The following FBXL7 variants were observed in gnomAD, a reference collection of about 807,000 sequenced individuals.
The protein encoded by FBXL7 is F-box and leucine rich repeat protein 7.
In FBXL7, 12 loss-of-function variants were observed where a neutral mutation model predicts 38.3. The ratio of observed to expected loss-of-function variants is 0.31; its 90% CI spans 0.20 to 0.51. The LOEUF is 0.51. Among genes scored for constraint, FBXL7 ranks in the 20% least tolerant of loss-of-function variants. The pLI is 0.98. For missense variants in FBXL7, 567 were observed against 676.4 expected, an observed-to-expected ratio of 0.84 and a Z score of 1.79; for synonymous variants, 297 against 300.9, an observed-to-expected ratio of 0.99 and a Z score of 0.13.
chr5:15,812,926 CTGTT>C (rs1407134725), intron 2 of FBXL7, among the ~76,000 whole-genome samples: 3 of 152,218 alleles, frequency 2.0e-5, no homozygotes, highest in South Asian at 2.1e-4. Flanking sequence ...ATTTGCCTCT[CTGTT>C]TGTCTGTTAT....
At chr5:15,730,657 T>C (rs1268986558) in intron 2 of FBXL7, among the ~76,000 whole-genome samples, 1 of 152,228 alleles carries the variant, frequency 6.6e-6, no homozygotes, top group Non-Finnish European at 1.5e-5. Flanking sequence ...AATCATATCA[T>C]TGTATGAAAC....
At chr5:15,850,815 G>C (rs2126793924) in intron 2 of FBXL7, among the ~76,000 whole-genome samples, 1 of 152,318 alleles carries the variant, frequency 6.6e-6, no homozygotes, top group East Asian at 1.9e-4. Flanking sequence ...CTTTCCACAG[G>C]CTGATCTATG....
intron 2 of FBXL7, among the ~76,000 whole-genome samples, chr5:15,756,644 A>G (rs1736305848): frequency 6.6e-6 from 1 of 152,176 alleles, no homozygotes; most frequent in African/African-American, 2.4e-5. Flanking sequence ...ACCAGGGATA[A>G]TAAAGGCTTT....
At chr5:15,823,668 C>A (rs1450373527) in intron 2 of FBXL7, among the ~76,000 whole-genome samples, 1 of 152,132 alleles carries the variant, frequency 6.6e-6, no homozygotes, top group African/African-American at 2.4e-5. Flanking sequence ...TTAACCCAGA[C>A]CTGCCCTCCT....
At chr5:15,619,611 T>C (rs1314998108) in intron 2 of FBXL7, among the ~76,000 whole-genome samples, 1 of 152,250 alleles carries the variant, frequency 6.6e-6, no homozygotes, top group African/African-American at 2.4e-5. Context: ...TCATGATTTT[T>C]TCACCTCTGA....
intron 2 of FBXL7, among the ~76,000 whole-genome samples, chr5:15,665,871 A>G (rs910641168): frequency 4.6e-5 from 7 of 152,174 alleles, no homozygotes; most frequent in African/African-American, 1.7e-4. Context: ...TCCCCTGAGC[A>G]AAGTTTTATA....
chr5:15,509,451 T>C (rs1736733757), intron 1 of FBXL7, among the ~76,000 whole-genome samples: 2 of 152,200 alleles, frequency 1.3e-5, no homozygotes, highest in Admixed American at 1.3e-4. Context: ...AGAAAGACTC[T>C]ACTTCCCCAG....
In FBXL7 at chr5:15,714,741, C is replaced by T. The variant is rs1485362609; in HGVS notation, c.127+98669C>T. On this transcript the variant is annotated intron_variant, in intron 2 of 3. Coordinates refer to ENST00000504595, the MANE Select transcript of FBXL7 (RefSeq NM_012304.5). ...GCGGGCGCCTGTAGTCCCAGCTACT[C>T]GGGAGGCTGAGGCAGGAGAATGGCA... is the stretch of plus-strand genomic sequence containing the variant. Among the ~76,000 whole-genome samples, 8 of 147,722 alleles carry T rather than the reference C, an allele frequency of 5.4e-5. No homozygotes were observed. The South Asian group carries it at 6.6e-4, about 12-fold the overall frequency.
At chr5:15,885,252 C>T (rs907802035) in intron 2 of FBXL7, among the ~76,000 whole-genome samples, 18 of 152,284 alleles carry the variant, frequency 1.2e-4, no homozygotes, top group African/African-American at 3.6e-4. Flanking sequence ...ACCATGTATG[C>T]CTCTCCACAG....
chr5:15,596,732 A>T (rs1480755218), intron 1 of FBXL7, among the ~76,000 whole-genome samples: 1 of 152,152 alleles, frequency 6.6e-6, no homozygotes, highest in Non-Finnish European at 1.5e-5. Flanking sequence ...CTAATGATGA[A>T]ATCAATCATG....
chr5:15,675,905 G>T (rs544077596), intron 2 of FBXL7, among the ~76,000 whole-genome samples: 1 of 152,268 alleles, frequency 6.6e-6, no homozygotes, highest in African/African-American at 2.4e-5. Flanking sequence ...CCGCTACAAT[G>T]AAGTCTGGAA....
chr5:15,727,201 ATG>A (rs1472000942), intron 2 of FBXL7, among the ~76,000 whole-genome samples: 2 of 152,144 alleles, frequency 1.3e-5, no homozygotes, highest in Non-Finnish European at 2.9e-5. Context: ...AATATTTTAA[ATG>A]TGTGTCTTAA....
At chr5:15,849,590 A>G (rs1579517838) in intron 2 of FBXL7, among the ~76,000 whole-genome samples, 1 of 152,092 alleles carries the variant, frequency 6.6e-6, no homozygotes, top group African/African-American at 2.4e-5. Flanking sequence ...CGTGTCTTTC[A>G]CCTTCTGCCA....
rs543358901 is a variant in FBXL7, at chr5:15,933,604, T to C, written c.740-2846T>C. ...AAAACCACAAAGCCCACTGGAACAGTGTGACCTGCCTCTGACAAGCTGTTT... is the reference window on the plus strand; with the variant it reads ...AAAACCACAAAGCCCACTGGAACAGCGTGACCTGCCTCTGACAAGCTGTTT... On this transcript the variant is annotated intron_variant, in intron 3 of 3. Coordinates refer to ENST00000504595, the MANE Select transcript of FBXL7 (RefSeq NM_012304.5). 2.6e-5 allele frequency among the ~76,000 whole-genome samples: 4 copies of C among 152,328 alleles called. No individual in the cohort carries two copies. The South Asian group carries it at 6.2e-4, about 24-fold the overall frequency.
chr5:15,672,101 T>A (rs1305238101), intron 2 of FBXL7, among the ~76,000 whole-genome samples: 1 of 152,174 alleles, frequency 6.6e-6, no homozygotes, highest in Non-Finnish European at 1.5e-5. Flanking sequence ...CTCTGGGTTG[T>A]GTCAATGAAA....
intron 2 of FBXL7, among the ~76,000 whole-genome samples, chr5:15,849,891 A>T (rs988135085): frequency 2.0e-5 from 3 of 152,178 alleles, no homozygotes; most frequent in African/African-American, 7.2e-5. Context: ...AACTCCTTCA[A>T]TTCTCCCATG....
chr5:15,584,166 C>T (rs1739235286), intron 1 of FBXL7, among the ~76,000 whole-genome samples: 1 of 152,160 alleles, frequency 6.6e-6, no homozygotes, highest in Non-Finnish European at 1.5e-5. Flanking sequence ...GCCTGGTCCA[C>T]AAAATAATGT....
intron 2 of FBXL7, among the ~76,000 whole-genome samples, chr5:15,756,640 G>C (rs1466000447): frequency 2.0e-5 from 3 of 152,132 alleles, no homozygotes; most frequent in African/African-American, 7.2e-5. Flanking sequence ...CTTAACCAGG[G>C]ATAATAAAGG....
intron 2 of FBXL7, among the ~76,000 whole-genome samples, chr5:15,818,184 A>G (rs1308552707): frequency 1.3e-5 from 2 of 152,114 alleles, no homozygotes; most frequent in Non-Finnish European, 2.9e-5. Flanking sequence ...AAATCTGAGA[A>G]AACACTTTTC....
Sources: gnomAD v4.1 joint callset for allele counts (sites outside exome capture counted in the v4.1 genomes callset) on GRCh38, gnomAD v4.1.1 for gene constraint, MANE v1.5 for transcripts, NCBI Gene and HGNC (gene_info 2026-07-23, HGNC 2026-07-21) for gene names.